Variants in EGFR observed in about 807,000 individuals in gnomAD.
The protein encoded by EGFR is epidermal growth factor receptor, also known as avian erythroblastic leukemia viral (v-erb-b) oncogene homolog.
A neutral mutation model predicts 143.0 loss-of-function variants in EGFR; 58 were observed. The ratio of observed to expected loss-of-function variants is 0.41; its 90% CI spans 0.33 to 0.50. EGFR has a LOEUF of 0.50. EGFR is among the 20% of genes least tolerant of loss of function. EGFR has a pLI of 0.39. For synonymous variants in EGFR, 613 were observed against 594.4 expected (o/e 1.03, Z -0.45); for missense variants, 1,307 against 1,579.0 (o/e 0.83, Z 2.92).
intron 1 of EGFR, among the ~76,000 whole-genome samples, chr7:55,062,328 G>A (rs1020488760): frequency 6.6e-6 from 1 of 152,168 alleles, no homozygotes; most frequent in African/African-American, 2.4e-5. Context: ...AGGAGTGTTG[G>A]CTTTGGAGGC....
rs111386597 is a variant in EGFR, at chr7:55,167,258, T to C, written c.1880+1821T>C. Among the ~76,000 whole-genome samples, 205 of 51,002 alleles carry C rather than the reference T, an allele frequency of 4.0e-3. 27 individuals carry two copies. Among genetic ancestry groups the C allele is most frequent in the African/African-American group, 0.016 (192 of 12,112 alleles). The allele number at this position is 51,002 out of a possible 152,430, so 33.5% of individuals were successfully genotyped here. A position where few individuals can be genotyped will look rare whatever the true frequency, so the allele number is the denominator to read the frequency against. On this transcript the variant is annotated intron_variant, in intron 15 of 27. Coordinates refer to ENST00000275493, the MANE Select transcript of EGFR (RefSeq NM_005228.5). Reference sequence around the variant, plus strand: ...GAGGAGGTGGGAGTCACAATGGTGGTGGTGGTGATGGTGGTGATGGTGGTG... The same window carrying C: ...GAGGAGGTGGGAGTCACAATGGTGGCGGTGGTGATGGTGGTGATGGTGGTG...
chr7:55,152,041 T>C (rs1785185317), intron 5 of EGFR, among the ~76,000 whole-genome samples: 1 of 152,204 alleles, frequency 6.6e-6, no homozygotes, highest in Non-Finnish European at 1.5e-5. Context: ...GGTACCCACC[T>C]ACACAGAAGC....
chr7:55,116,512 A>G (rs1454972290), intron 1 of EGFR, among the ~76,000 whole-genome samples: 1 of 149,402 alleles, frequency 6.7e-6, no homozygotes, highest in Non-Finnish European at 1.5e-5. Context: ...ACTTTCAAGT[A>G]TAACTAAATT....
Position 55,173,052 on chromosome 7 carries a change from G to T in EGFR, c.1989G>T (p.Gly663=), listed in dbSNP as rs748898746. 1.9e-6 allele frequency: 3 copies of T among 1,613,746 alleles called. No homozygotes were observed. Among genetic ancestry groups the T allele is most frequent in the Non-Finnish European group, 1.7e-6 (2 of 1,180,044 alleles). ...ALLLLLVVAL[G]IGLFMRRRHI... The stretch of plus-strand genomic sequence containing the variant: ...TCTTGCTGCTGGTGGTGGCCCTGGG[G>T]ATCGGCCTCTTCATGCGAAGGCGCC... Residue 663 remains glycine (G), a synonymous_variant, in exon 17 of 28, where the codon GGG becomes GGT. Coordinates refer to ENST00000275493, the MANE Select transcript of EGFR (RefSeq NM_005228.5).
chr7:55,086,877 T>C (rs1367347566), intron 1 of EGFR, among the ~76,000 whole-genome samples: 2 of 152,204 alleles, frequency 1.3e-5, no homozygotes, highest in East Asian at 3.9e-4. Context: ...CACCCCCTCG[T>C]GCCTCTCTCC....
At chr7:55,174,087 C>T (rs765938560) in intron 18 of EGFR, 44 bp downstream of exon 18, 2 of 1,613,546 alleles carry the variant, frequency 1.2e-6, no homozygotes, top group East Asian at 2.2e-5. Context: ...CGCAGGGCCT[C>T]TCATGGTCTG....
intron 3 of EGFR, among the ~76,000 whole-genome samples, chr7:55,144,658 C>A (rs548441490): frequency 6.6e-6 from 1 of 152,142 alleles, no homozygotes; most frequent in African/African-American, 2.4e-5. Context: ...TCAGAGCAGC[C>A]GCGCACATGC....
rs113242171 is a variant in EGFR at position 55,087,021 on chromosome 7, T to C, written c.89-55265T>C. Among the ~76,000 whole-genome samples the C allele has an allele frequency of 6.4e-3, 972 of 152,274 alleles. 6 individuals are homozygous for C. Among genetic ancestry groups the C allele is most frequent in the Middle Eastern group, 0.031 (9 of 294 alleles). Reference sequence around the variant, plus strand: ...TTCAGGAAGTCATCCAGAGTTATAATGGCCCATTATCTACTGGTCAGAGTT... The same window carrying C: ...TTCAGGAAGTCATCCAGAGTTATAACGGCCCATTATCTACTGGTCAGAGTT... On this transcript the variant is annotated intron_variant, in intron 1 of 27. Transcript: ENST00000275493.
At chr7:55,145,692 T>C (rs1427101994) in intron 3 of EGFR, among the ~76,000 whole-genome samples, 1 of 152,204 alleles carries the variant, frequency 6.6e-6, no homozygotes, top group Non-Finnish European at 1.5e-5. Flanking sequence ...GGTCAATTTT[T>C]TCTCTATTAA....
chr7:55,116,666 G>T (rs1792867864), intron 1 of EGFR, among the ~76,000 whole-genome samples: 1 of 152,182 alleles, frequency 6.6e-6, no homozygotes, highest in Non-Finnish European at 1.5e-5. Flanking sequence ...ACCCCGTGCT[G>T]CCTCCTGGGA....
At chr7:55,200,778 G>T (rs1584270495) in intron 24 of EGFR, 1 of 480,810 alleles carries the variant, frequency 2.1e-6, no homozygotes. Context: ...CATCACCCAG[G>T]CAGCCGATCC....
intron 15 of EGFR, chr7:55,168,599 C>T (rs2128949540): frequency 6.2e-7 from 1 of 1,607,430 alleles, no homozygotes; most frequent in South Asian, 1.1e-5. Flanking sequence ...CAATTTCTCC[C>T]TTTGCTTCAA....
chr7:55,205,074 T>C (rs1788055943), intron 27 of EGFR, among the ~76,000 whole-genome samples, 182 bp from the exon 28 acceptor site: 1 of 152,164 alleles, frequency 6.6e-6, no homozygotes. Context: ...TGTCCATTAC[T>C]TTGAGAAGGA....
At chr7:55,108,961 G>A (rs1210208982) in intron 1 of EGFR, among the ~76,000 whole-genome samples, 1 of 152,176 alleles carries the variant, frequency 6.6e-6, no homozygotes, top group Non-Finnish European at 1.5e-5. Context: ...AAAGAGAAAT[G>A]CCTATGTAAA....
chr7:55,172,992 C>T lies in EGFR; in HGVS notation c.1929C>T (p.Ile643=), dbSNP rs2128952397. The change falls in exon 17 of 28, where the codon ATC becomes ATT. Residue 643 remains isoleucine (I), a synonymous_variant. Coordinates refer to ENST00000275493, the MANE Select transcript of EGFR (RefSeq NM_005228.5). ...LEGCPTNGPK[I]PSIATGMVGA... is the part of the protein sequence containing the mutation. ...CTCCACCTCATTCCAGGCCTAAGAT[C>T]CCGTCCATCGCCACTGGGATGGTGG... 6.2e-7 allele frequency: 1 copy of T among 1,614,214 alleles called. No individual in the cohort carries two copies.
At chr7:55,039,608 G>A (rs1407630049) in intron 1 of EGFR, among the ~76,000 whole-genome samples, 1 of 152,216 alleles carries the variant, frequency 6.6e-6, no homozygotes, top group Non-Finnish European at 1.5e-5. Flanking sequence ...CAGAGACCAG[G>A]CAGTCGCTTG....
intron 1 of EGFR, among the ~76,000 whole-genome samples, chr7:55,103,675 G>T (rs987281583): frequency 4.6e-5 from 7 of 152,202 alleles, no homozygotes; most frequent in African/African-American, 1.7e-4. Context: ...TTTGGATATT[G>T]GATGGTCCAC....
chr7:55,157,123 CA>C (rs1785463629), intron 10 of EGFR, among the ~76,000 whole-genome samples: 1 of 152,144 alleles, frequency 6.6e-6, no homozygotes, highest in African/African-American at 2.4e-5. Flanking sequence ...AGGGAGGGGA[CA>C]GGGGTAGGTG....
In EGFR at chr7:55,207,011, G is replaced by A. The variant is rs150522314; in HGVS notation, c.*1394G>A. The A allele has an allele frequency of 4.3e-6, 1 of 233,038 alleles. No homozygotes were observed. Among genetic ancestry groups the A allele is most frequent in the Non-Finnish European group, 8.5e-6 (1 of 117,918 alleles). The allele number at this position is 233,038 out of a possible 1,614,324, so 14.4% of individuals were successfully genotyped here. On this transcript the variant is annotated 3_prime_UTR_variant, in exon 28 of 28. Transcript: ENST00000275493. ...TCCTAAAATAATTTCTCTACAATTG[G>A]AAGATTGGAAGATTCAGCTAGTTAG... is the stretch of plus-strand genomic sequence containing the variant.
Sources: allele counts gnomAD v4.1 joint callset (sites outside exome capture counted in the v4.1 genomes callset), GRCh38; gene constraint gnomAD v4.1.1; transcripts MANE v1.5; gene names NCBI Gene and HGNC (gene_info 2026-07-23, HGNC 2026-07-21).